Variants in LAMA2 observed in about 807,000 individuals in gnomAD.
LAMA2 encodes the protein laminin subunit alpha 2.
Under a neutral mutation model 364.8 loss-of-function variants are expected in LAMA2, and 269 were observed. The observed-to-expected ratio is 0.74, with a 90% CI of 0.67 to 0.82. LAMA2 has a LOEUF of 0.82. LAMA2 is among the 40% of genes least tolerant of loss of function. The probability of loss-of-function intolerance (pLI) is 0.00; values close to 1 mark genes in which losing one functional copy is unlikely to be tolerated. For synonymous variants in LAMA2, 1,379 were observed against 1,370.6 expected, an observed-to-expected ratio of 1.01 and a Z score of -0.14; for missense variants, 3,807 against 3,873.2, an observed-to-expected ratio of 0.98 and a Z score of 0.45.
chr6:129,014,158 T>C (rs1053458807), intron 1 of LAMA2, among the ~76,000 whole-genome samples: 1 of 152,182 alleles, frequency 6.6e-6, no homozygotes, highest in Non-Finnish European at 1.5e-5. Flanking sequence ...GAAGAAACAG[T>C]TCTGCTATAG....
intron 4 of LAMA2, among the ~76,000 whole-genome samples, chr6:129,122,741 A>G (rs1776870670): frequency 6.6e-6 from 1 of 152,018 alleles, no homozygotes; most frequent in Non-Finnish European, 1.5e-5. Context: ...GCTAACTCCC[A>G]ACCTCATGCA....
At position 129,089,022 on chromosome 6, in the gene LAMA2, A is replaced by G. The variant is rs561707092; in HGVS notation, c.397-9151A>G. Among the ~76,000 whole-genome samples, 1,074 of 152,328 alleles carry G rather than the reference A, an allele frequency of 7.1e-3. 9 individuals are homozygous for G. The highest frequency in any genetic ancestry group is 0.025 in the African/African-American group (1,027 of 41,584). ...ACACCACTGCACTCCAGCCTGGGCAACATTGAGCACTGAGTGAACGAGACT... is the reference window on the plus strand; with the variant it reads ...ACACCACTGCACTCCAGCCTGGGCAGCATTGAGCACTGAGTGAACGAGACT... On this transcript the variant is annotated intron_variant, in intron 3 of 64. Transcript: ENST00000421865.
chr6:129,270,791 A>G (rs753322608), intron 17 of LAMA2, 40 bp downstream of exon 17: 8 of 1,603,958 alleles, frequency 5.0e-6, no homozygotes, highest in Non-Finnish European at 6.8e-6. Flanking sequence ...CTCAGCATCC[A>G]TTTCTGCAAG....
chr6:129,468,869 G>C (rs973108945), intron 51 of LAMA2, among the ~76,000 whole-genome samples: 1 of 151,826 alleles, frequency 6.6e-6, no homozygotes, highest in Non-Finnish European at 1.5e-5. Flanking sequence ...TACTGTATCT[G>C]TTTAGGATAC....
intron 4 of LAMA2, among the ~76,000 whole-genome samples, chr6:129,136,960 C>T (rs540923371): frequency 6.6e-6 from 1 of 152,204 alleles, no homozygotes; most frequent in South Asian, 2.1e-4. Flanking sequence ...TTACAGGTCA[C>T]CCATCCGTGA....
In LAMA2 at chr6:129,149,033, T is replaced by C; in HGVS notation, c.964T>C (p.Cys322Arg). Reference sequence around the variant, plus strand: ...ATGTGGCGATAGCTGTGATCAGTGCTGTCCAGGATTCCATCAGAAACCCTG... The same window carrying C: ...ATGTGGCGATAGCTGTGATCAGTGCCGTCCAGGATTCCATCAGAAACCCTG... ...NTCGDSCDQC[C>R]PGFHQKPWRA... The change falls in exon 7 of 65, where the codon TGT becomes CGT. Residue 322 changes from cysteine (C) to arginine (R), a missense_variant. This residue lies in a region of LAMA2 where 80 missense variants were observed against 124.0 expected (regional missense o/e 0.65). Transcript: ENST00000421865. The C allele has an allele frequency of 5.6e-6, 9 of 1,613,672 alleles. No homozygotes were observed. Among genetic ancestry groups the C allele is most frequent in the Non-Finnish European group, 7.6e-6 (9 of 1,179,644 alleles).
At chr6:129,439,655 C>T (rs1019647558) in intron 42 of LAMA2, among the ~76,000 whole-genome samples, 5 of 151,774 alleles carry the variant, frequency 3.3e-5, no homozygotes, top group African/African-American at 4.8e-5. Flanking sequence ...TGAAAGCACA[C>T]GTTATTTTAA....
intron 1 of LAMA2, among the ~76,000 whole-genome samples, chr6:128,901,050 A>G (rs889840943): frequency 6.6e-6 from 1 of 152,192 alleles, no homozygotes; most frequent in Non-Finnish European, 1.5e-5. Context: ...CCAGCTACTC[A>G]GGAGGCTGAG....
At chr6:129,515,385 G>C (rs931044206) in intron 64 of LAMA2, among the ~76,000 whole-genome samples, 1 of 152,174 alleles carries the variant, frequency 6.6e-6, no homozygotes, top group African/African-American at 2.4e-5. Flanking sequence ...TTCCAAAGTG[G>C]CTTCTGTGTT....
At chr6:129,505,518 G>T (rs553134830) in intron 61 of LAMA2, among the ~76,000 whole-genome samples, 163 bp downstream of exon 61, 4 of 152,138 alleles carry the variant, frequency 2.6e-5, no homozygotes, top group South Asian at 4.2e-4. Flanking sequence ...TTGTTTGTTT[G>T]TTTGTTTTGA....
chr6:129,109,433 G>A (rs140933139), intron 4 of LAMA2, among the ~76,000 whole-genome samples: 2 of 152,150 alleles, frequency 1.3e-5, no homozygotes, highest in African/African-American at 4.8e-5. Context: ...TGCTGTGTTA[G>A]ACATAGTTGA....
At chr6:128,965,711 T>G (rs2114605807) in intron 1 of LAMA2, among the ~76,000 whole-genome samples, 1 of 152,136 alleles carries the variant, frequency 6.6e-6, no homozygotes, top group South Asian at 2.1e-4. Flanking sequence ...ATAAAAACTG[T>G]GTTTAAACAG....
At chr6:129,465,405 A>T (rs1783493469) in intron 51 of LAMA2, 116 bp downstream of exon 51, 1 of 894,664 alleles carries the variant, frequency 1.1e-6, no homozygotes, top group South Asian at 1.4e-5. Flanking sequence ...GAGTTCAGTG[A>T]AAAATTTATA....
intron 4 of LAMA2, among the ~76,000 whole-genome samples, chr6:129,138,632 T>C (rs1216651191): frequency 1.8e-4 from 28 of 152,164 alleles, no homozygotes; most frequent in Admixed American, 1.8e-3. Context: ...CTTTCATATT[T>C]TATAACATTT....
chr6:129,144,212 G>T (rs1778297561), intron 5 of LAMA2, 132 bp downstream of exon 5: 2 of 620,310 alleles, frequency 3.2e-6, no homozygotes, highest in African/African-American at 3.8e-5. Flanking sequence ...TAGAATTGTA[G>T]ATTATTATTA....
intron 40 of LAMA2, among the ~76,000 whole-genome samples, chr6:129,416,385 T>C (rs1471524574): frequency 6.6e-6 from 1 of 152,196 alleles, no homozygotes; most frequent in East Asian, 1.9e-4. Context: ...AATCTGTATT[T>C]CTGAAGAGCT....
intron 1 of LAMA2, among the ~76,000 whole-genome samples, chr6:128,909,696 T>A (rs1223046598): frequency 6.6e-6 from 1 of 151,610 alleles, no homozygotes; most frequent in African/African-American, 2.4e-5. Flanking sequence ...TAGCTGGTTA[T>A]TTTGCTCGTT....
chr6:129,201,906 A>G (rs1004066014), intron 12 of LAMA2, among the ~76,000 whole-genome samples: 2 of 152,086 alleles, frequency 1.3e-5, no homozygotes, highest in African/African-American at 4.8e-5. Flanking sequence ...AAAAACTAAC[A>G]TGGCCAGGCG....
At chr6:128,940,122 T>G (rs1024462833) in intron 1 of LAMA2, among the ~76,000 whole-genome samples, 3 of 152,216 alleles carry the variant, frequency 2.0e-5, no homozygotes, top group Admixed American at 2.0e-4. Context: ...GTTTGTTTTC[T>G]GAATGTGTTC....
Sources: gnomAD v4.1 joint callset for allele counts (sites outside exome capture counted in the v4.1 genomes callset) on GRCh38, gnomAD v4.1.1 for gene constraint, gnomAD v4.1.1 regional missense constraint, MANE v1.5 for transcripts, NCBI Gene and HGNC (gene_info 2026-07-23, HGNC 2026-07-21) for gene names.